The following SYNPR variants were observed in gnomAD, a reference collection of about 807,000 sequenced individuals.
SYNPR encodes the protein synaptoporin.
Under a neutral mutation model 32.9 loss-of-function variants are expected in SYNPR, and 23 were observed. The observed-to-expected ratio is 0.70, with a 90% CI of 0.50 to 0.99. SYNPR has a LOEUF of 0.99. Among genes scored for constraint, SYNPR ranks in the 50% least tolerant of loss-of-function variants. The pLI is 0.00. For synonymous variants in SYNPR, 146 were observed against 135.9 expected (o/e 1.07, Z -0.52); for missense variants, 318 against 349.3 (o/e 0.91, Z 0.71).
At chr3:63,546,110 T>A (rs900471426) in intron 3 of SYNPR, among the ~76,000 whole-genome samples, 1 of 152,104 alleles carries the variant, frequency 6.6e-6, no homozygotes, top group Non-Finnish European at 1.5e-5. Context: ...AATGTACAGA[T>A]AACGACCTCA....
intron 2 of SYNPR, among the ~76,000 whole-genome samples, chr3:63,442,202 AG>A (rs1700190955): frequency 7.3e-6 from 1 of 137,712 alleles, no homozygotes; most frequent in African/African-American, 3.0e-5. Flanking sequence ...CATGAAAGAG[AG>A]AGAGAGAAGG....
At chr3:63,531,524 G>A (rs1205437928) in intron 3 of SYNPR, among the ~76,000 whole-genome samples, 1 of 152,080 alleles carries the variant, frequency 6.6e-6, no homozygotes, top group East Asian at 1.9e-4. Context: ...CACCCTACTC[G>A]AGTATAACCT....
At chr3:63,302,125 C>T (rs571721330) in intron 2 of SYNPR, among the ~76,000 whole-genome samples, 1 of 152,032 alleles carries the variant, frequency 6.6e-6, no homozygotes, top group African/African-American at 2.4e-5. Context: ...TGAAATTTTA[C>T]CCCATCTTTC....
chr3:63,277,709 TG>T (rs1054815331), upstream of SYNPR, among the ~76,000 whole-genome samples: 12 of 152,170 alleles, frequency 7.9e-5, no homozygotes, highest in Non-Finnish European at 1.5e-4. Flanking sequence ...GTCCTCTCTC[TG>T]GCATCCACAG....
In SYNPR at chr3:63,289,905, C is replaced by T. The variant is rs572047910; in HGVS notation, c.84+11163C>T. On this transcript the variant is annotated intron_variant, in intron 2 of 5. Coordinates refer to ENST00000478300, the MANE Select transcript of SYNPR (RefSeq NM_001130003.2). ...CAGCACTTTGGGAGGCTGAGGCAGG[C>T]GGATCACAAGGTCAAGAGATCGAGA... is the stretch of plus-strand genomic sequence containing the variant. 5.3e-5 allele frequency among the ~76,000 whole-genome samples: 8 copies of T among 151,966 alleles called. No homozygotes were observed. In the South Asian group the frequency reaches 8.3e-4, roughly 16 times the overall value.
At chr3:63,481,449 A>G (rs13094516) in intron 3 of SYNPR, among the ~76,000 whole-genome samples, 67,842 of 147,640 alleles carry the variant, frequency 0.46, 15,615 homozygotes, top group African/African-American at 0.52. Flanking sequence ...ATATATATAT[A>G]TATGTGTGTG....
At chr3:63,282,684 G>GAAAAAAA in intron 2 of SYNPR, among the ~76,000 whole-genome samples, 1 of 115,916 alleles carries the variant, frequency 8.6e-6, no homozygotes, top group Non-Finnish European at 1.7e-5. Context: ...CACTGTCTCA[G>GAAAAAAA]AAAAAAAAAA....
intron 2 of SYNPR, chr3:63,443,604 A>G (rs1700220657): frequency 8.9e-6 from 9 of 1,008,840 alleles, no homozygotes; most frequent in African/African-American, 1.6e-5. Context: ...AATAATCTCT[A>G]TTTTTCTTGA....
chr3:63,453,219 G>A (rs1700412859), intron 2 of SYNPR, among the ~76,000 whole-genome samples: 1 of 152,154 alleles, frequency 6.6e-6, no homozygotes. Flanking sequence ...CTGACCAGTT[G>A]TTTGACCTGC....
intron 4 of SYNPR, among the ~76,000 whole-genome samples, chr3:63,579,744 T>A (rs1237166771): frequency 4.0e-5 from 6 of 151,782 alleles, no homozygotes; most frequent in Non-Finnish European, 5.9e-5. Flanking sequence ...AGTGAATAAG[T>A]AATTTCAAAT....
At chr3:63,503,328 T>C (rs927809363) in intron 3 of SYNPR, among the ~76,000 whole-genome samples, 6 of 152,174 alleles carry the variant, frequency 3.9e-5, no homozygotes, top group African/African-American at 1.4e-4. Context: ...TAGAAGTTTT[T>C]TGTGTATCCT....
intron 2 of SYNPR, among the ~76,000 whole-genome samples, chr3:63,298,083 AG>A (rs2086809523): frequency 6.6e-6 from 1 of 152,160 alleles, no homozygotes; most frequent in African/African-American, 2.4e-5. Context: ...AGCAGAATTC[AG>A]GCCCCTCCCA....
intron 3 of SYNPR, among the ~76,000 whole-genome samples, chr3:63,499,651 G>T (rs1701440912): frequency 6.6e-6 from 1 of 152,200 alleles, no homozygotes; most frequent in African/African-American, 2.4e-5. Context: ...CCAGCAGGAT[G>T]CATGTCCTGT....
chr3:63,487,014 A>G (rs906495069), intron 3 of SYNPR, among the ~76,000 whole-genome samples: 1 of 152,182 alleles, frequency 6.6e-6, no homozygotes, highest in Non-Finnish European at 1.5e-5. Context: ...GCCCATCCCA[A>G]ATATATTCTC....
chr3:63,520,942 C>T (rs376795488), intron 3 of SYNPR, among the ~76,000 whole-genome samples: 2 of 149,732 alleles, frequency 1.3e-5, no homozygotes, highest in East Asian at 2.0e-4. Flanking sequence ...TTTTGTAAGG[C>T]CAAATGTTTG....
intron 1 of SYNPR, among the ~76,000 whole-genome samples, chr3:63,247,391 C>A (rs566583132): frequency 6.6e-6 from 1 of 151,996 alleles, no homozygotes; most frequent in African/African-American, 2.4e-5. Flanking sequence ...ATGACAGCTA[C>A]TCCCCATGTT....
intron 2 of SYNPR, among the ~76,000 whole-genome samples, chr3:63,312,654 G>A (rs2086979861): frequency 6.6e-6 from 1 of 151,968 alleles, no homozygotes; most frequent in Admixed American, 6.6e-5. Context: ...CTGACGTAAT[G>A]GAATAAGCTC....
At chr3:63,539,574 AGTGAAAATATCCT>A (rs1330874370) in intron 3 of SYNPR, among the ~76,000 whole-genome samples, 1 of 152,152 alleles carries the variant, frequency 6.6e-6, no homozygotes, top group African/African-American at 2.4e-5. Flanking sequence ...CCTTGCCCAC[AGTGAAAATATCCT>A]GAGTAACAAC....
intron 3 of SYNPR, among the ~76,000 whole-genome samples, chr3:63,529,463 G>A (rs1410581736): frequency 6.6e-6 from 1 of 152,138 alleles, no homozygotes; most frequent in Non-Finnish European, 1.5e-5. Context: ...AGGTCTGAGT[G>A]TACTAAAATG....
Sources: gnomAD v4.1 joint callset for allele counts (sites outside exome capture counted in the v4.1 genomes callset) on GRCh38, gnomAD v4.1.1 for gene constraint, MANE v1.5 for transcripts, NCBI Gene and HGNC (gene_info 2026-07-23, HGNC 2026-07-21) for gene names.